Variants in ZNF469 observed in about 807,000 individuals in gnomAD.
The protein encoded by ZNF469 is zinc finger protein 469.
ZNF469 carries 1 observed loss-of-function variant against 1.0 expected under a neutral mutation model. The ratio of observed to expected loss-of-function variants is 1.00; its 90% CI spans 0.35 to 4.73. The LOEUF (loss-of-function observed/expected upper bound fraction) is 4.73, where lower values mean the gene tolerates loss of function less well. Among genes scored for constraint, ZNF469 ranks in the 30% most tolerant of loss-of-function variants. The pLI, the probability that ZNF469 is intolerant of heterozygous loss-of-function variation, is 0.16. For synonymous variants in ZNF469, 2,703 were observed against 2,363.4 expected, an observed-to-expected ratio of 1.14 and a Z score of -4.17; for missense variants, 6,100 against 5,356.3, an observed-to-expected ratio of 1.14 and a Z score of -4.33.
intron 1 of ZNF469, among the ~76,000 whole-genome samples, chr16:88,419,722 A>G (rs1393072352): frequency 1.3e-5 from 2 of 152,008 alleles, no homozygotes; most frequent in African/African-American, 4.8e-5. Context: ...AATGCCCCCA[A>G]CGCCATGCCT....
chr16:88,130,201 C>T, the ZNF469 span, among the ~76,000 whole-genome samples: 2 of 152,154 alleles, frequency 1.3e-5, no homozygotes, highest in African/African-American at 2.4e-5. Context: ...GCGCAGGAAA[C>T]GGGAGGCCAA....
the ZNF469 span, among the ~76,000 whole-genome samples, chr16:88,184,704 G>T: frequency 2.0e-5 from 3 of 151,778 alleles, no homozygotes; most frequent in Non-Finnish European, 4.4e-5. Flanking sequence ...ACGGCTGCAC[G>T]GCCGGCGTCA....
In ZNF469 at chr16:88,435,318, C is replaced by T; in HGVS notation, c.7848C>T (p.Arg2616=). Residue 2616 remains arginine, a synonymous_variant, in exon 3 of 3, where the codon CGC becomes CGT. Transcript: ENST00000565624. ...AAAAAAGAGAAGGCCGGAGGTGGCG[C>T]CGAGAGCCCACCGTGGACTCTCCTA... The part of the protein sequence containing the change: ...QAEKREGRRW[R]REPTVDSPSH... The T allele has an allele frequency of 6.5e-7, 1 of 1,550,332 alleles. No individual in the cohort carries two copies. The highest frequency in any genetic ancestry group is 8.7e-7 in the Non-Finnish European group (1 of 1,146,974).
At chr16:88,127,154 A>C in the ZNF469 span, among the ~76,000 whole-genome samples, 2 of 152,052 alleles carry the variant, frequency 1.3e-5, no homozygotes, top group Non-Finnish European at 2.9e-5. Context: ...GGATTTGCTC[A>C]TTTTTGTTGA....
chr16:88,406,733 G>A (rs992785806), intron 1 of ZNF469, among the ~76,000 whole-genome samples: 3 of 152,220 alleles, frequency 2.0e-5, no homozygotes, highest in Non-Finnish European at 4.4e-5. Context: ...CTCTCTGTGT[G>A]TGTGCGCCTG....
chr16:88,219,029 G>T, the ZNF469 span, among the ~76,000 whole-genome samples: 2 of 148,308 alleles, frequency 1.3e-5, no homozygotes, highest in Non-Finnish European at 3.0e-5. Context: ...TTGCTTCAAA[G>T]AGAATAAAAT....
At chr16:88,358,273 C>T in the ZNF469 span, among the ~76,000 whole-genome samples, 8 of 152,226 alleles carry the variant, frequency 5.3e-5, no homozygotes, top group African/African-American at 1.9e-4. Context: ...ACCCCCACCA[C>T]GGCCCCGCAG....
chr16:88,268,816 G>T, the ZNF469 span, among the ~76,000 whole-genome samples: 37 of 152,320 alleles, frequency 2.4e-4, no homozygotes, highest in African/African-American at 8.9e-4. Flanking sequence ...TACATCGAAT[G>T]TTTTCTGTGT....
At chr16:88,406,394 C>T (rs1381568332) in intron 1 of ZNF469, among the ~76,000 whole-genome samples, 1 of 152,226 alleles carries the variant, frequency 6.6e-6, no homozygotes, top group Non-Finnish European at 1.5e-5. Context: ...CTGCAGTGCC[C>T]CCCACGCTGG....
At chr16:88,240,118 C>G in the ZNF469 span, among the ~76,000 whole-genome samples, 1 of 151,220 alleles carries the variant, frequency 6.6e-6, no homozygotes. Context: ...TGCTGGCTGC[C>G]TATGATGATT....
Position 88,435,490 on chromosome 16 carries a change from T to C in ZNF469, c.8020T>C (p.Ser2674Pro). 1 of 1,548,958 alleles carries C rather than the reference T, an allele frequency of 6.5e-7. No individual in the cohort carries two copies. Among genetic ancestry groups the C allele is most frequent in the Non-Finnish European group, 8.7e-7 (1 of 1,146,934 alleles). ...PSPAMASYAA[S>P]PSHCLSVEGG... ...CCCTGCAATGGCCAGTTACGCAGCC[T>C]CTCCGAGCCACTGCCTCTCTGTGGA... is the stretch of plus-strand genomic sequence containing the variant. Residue 2674 changes from serine (S) to proline (P), a missense_variant, in exon 3 of 3, where the codon TCT becomes CCT. Physicochemically the swap from Ser to Pro is moderately conservative, Grantham distance 74. Coordinates refer to ENST00000565624, the MANE Select transcript of ZNF469 (RefSeq NM_001367624.2).
the ZNF469 span, among the ~76,000 whole-genome samples, chr16:88,112,823 G>C: frequency 8.5e-6 from 1 of 117,338 alleles, no homozygotes; most frequent in Non-Finnish European, 1.6e-5. Flanking sequence ...TGTTGCCCAG[G>C]CTGGAGTGCA....
the ZNF469 span, among the ~76,000 whole-genome samples, chr16:88,345,356 C>A: frequency 3.1e-4 from 47 of 152,342 alleles, no homozygotes; most frequent in African/African-American, 3.6e-4. Flanking sequence ...TATCAAAAAA[C>A]CAGATTTTTA....
At chr16:88,264,078 C>G in the ZNF469 span, among the ~76,000 whole-genome samples, 1 of 152,062 alleles carries the variant, frequency 6.6e-6, no homozygotes, top group Non-Finnish European at 1.5e-5. Flanking sequence ...AGACTTACTC[C>G]CCACCCCCCA....
chr16:88,141,510 C>T, the ZNF469 span, among the ~76,000 whole-genome samples: 8 of 142,796 alleles, frequency 5.6e-5, 2 homozygotes, highest in Non-Finnish European at 1.2e-4. Context: ...GCACCCCCGT[C>T]CTGGTCCCCG....
the ZNF469 span, among the ~76,000 whole-genome samples, chr16:88,325,058 A>G: frequency 6.6e-6 from 1 of 152,002 alleles, no homozygotes; most frequent in South Asian, 2.1e-4. Flanking sequence ...CTTGGGAAAT[A>G]TCCTTCCAGC....
At chr16:88,193,261 G>A in the ZNF469 span, among the ~76,000 whole-genome samples, 63 of 134,210 alleles carry the variant, frequency 4.7e-4, no homozygotes, top group Admixed American at 5.8e-4. Flanking sequence ...GGTGGTGATG[G>A]TGGTAGTGGT....
At chr16:88,207,382 G>T in the ZNF469 span, among the ~76,000 whole-genome samples, 1 of 112,596 alleles carries the variant, frequency 8.9e-6, no homozygotes, top group African/African-American at 3.4e-5. Flanking sequence ...ACGGAGGGGA[G>T]GGGAGGCCGC....
At chr16:88,284,656 C>G in the ZNF469 span, among the ~76,000 whole-genome samples, 1 of 149,778 alleles carries the variant, frequency 6.7e-6, no homozygotes, top group African/African-American at 2.5e-5. Flanking sequence ...AAAACCAACA[C>G]ACAATTCACC....
Sources: gnomAD v4.1 joint callset for allele counts (sites outside exome capture counted in the v4.1 genomes callset) on GRCh38, gnomAD v4.1.1 for gene constraint, MANE v1.5 for transcripts, NCBI Gene and HGNC (gene_info 2026-07-23, HGNC 2026-07-21) for gene names.